ADRA1A: variants seen among roughly 807,000 people sequenced by gnomAD.
ADRA1A encodes the protein alpha-1A adrenergic receptor.
A neutral mutation model predicts 29.6 loss-of-function variants in ADRA1A; 31 were observed. The observed-to-expected ratio is 1.05, with a 90% CI of 0.79 to 1.41. The LOEUF (loss-of-function observed/expected upper bound fraction) is 1.41, where lower values mean the gene tolerates loss of function less well. Among genes scored for constraint, ADRA1A ranks in the 40% most tolerant of loss-of-function variants. The pLI is 0.00. For missense variants in ADRA1A, 619 were observed against 601.1 expected, an observed-to-expected ratio of 1.03 and a Z score of -0.31; for synonymous variants, 311 against 254.3, an observed-to-expected ratio of 1.22 and a Z score of -2.12.
intron 2 of ADRA1A, among the ~76,000 whole-genome samples, chr8:26,840,524 C>T (rs1287366796): frequency 6.6e-6 from 1 of 151,576 alleles, no homozygotes; most frequent in Non-Finnish European, 1.5e-5. Context: ...TTATGATGAC[C>T]ACAGCAGTGG....
chr8:26,840,735 T>C (rs1811760527), intron 2 of ADRA1A, among the ~76,000 whole-genome samples: 2 of 152,188 alleles, frequency 1.3e-5, no homozygotes, highest in Admixed American at 6.5e-5. Flanking sequence ...TAACTCTAAA[T>C]GGAGAAACCG....
In ADRA1A at chr8:26,770,576, A is replaced by G. The variant is rs1806068056; in HGVS notation, c.974T>C (p.Ile325Thr). The G allele has an allele frequency of 1.9e-6, 3 of 1,614,222 alleles. No individual in the cohort carries two copies. Among genetic ancestry groups the G allele is most frequent in the Non-Finnish European group, 2.5e-6 (3 of 1,180,034 alleles). ...GAACTCTTGGCTGGAGCATGGGTATATGATGGGGTTGATGCAGCTGTTTAG... is the reference window on the plus strand; with the variant it reads ...GAACTCTTGGCTGGAGCATGGGTATGTGATGGGGTTGATGCAGCTGTTTAG... ...GYLNSCINPI[I>T]YPCSSQEFKK... The change falls in exon 3 of 3, where the codon ATA becomes ACA. Residue 325 changes from isoleucine to threonine, a missense_variant. By Grantham distance (89) the Ile-to-Thr change is moderately conservative (BLOSUM62 -1). Transcript: ENST00000380573.
At chr8:26,752,166 G>A (rs1407670151), downstream of ADRA1A, among the ~76,000 whole-genome samples, 1 of 152,088 alleles carries the variant, frequency 6.6e-6, no homozygotes, top group Non-Finnish European at 1.5e-5. Flanking sequence ...GAGCATTTTG[G>A]TAAAGATGCA....
chr8:26,842,586 C>T lies in ADRA1A; in HGVS notation c.883+21501G>A, dbSNP rs1296380198. Among the ~76,000 whole-genome samples the T allele has an allele frequency of 2.6e-5, 4 of 152,108 alleles. No homozygotes were observed. In the East Asian group the frequency reaches 7.7e-4, roughly 29 times the overall value. On this transcript the variant is annotated intron_variant, in intron 2 of 2. Transcript: ENST00000380573. Reference sequence around the variant, plus strand: ...GAGCAGGTCCTCATTCAAACCTAAACAGCCAGCCTGAATCTCTCACTTCAA... The same window carrying T: ...GAGCAGGTCCTCATTCAAACCTAAATAGCCAGCCTGAATCTCTCACTTCAA...
rs943607703 is a variant in ADRA1A, at chr8:26,787,699, A to G, written c.884-17033T>C. Among the ~76,000 whole-genome samples, 1 of 152,008 alleles carries G rather than the reference A, an allele frequency of 6.6e-6. No individual in the cohort carries two copies. Among genetic ancestry groups the G allele is most frequent in the Non-Finnish European group, 1.5e-5 (1 of 68,008 alleles). ...CTTAGTACTTGTTCCCCAGGGAGGA[A>G]ATCCCGACAGCTCACTTGGTAGTTC... is the stretch of plus-strand genomic sequence containing the variant. On this transcript the variant is annotated intron_variant, in intron 2 of 2. Transcript: ENST00000380573. The surrounding 1 kb of genome is among the most constrained non-coding windows in gnomAD (Gnocchi z 4.2).
intron 2 of ADRA1A, among the ~76,000 whole-genome samples, chr8:26,855,605 G>A (rs1812989491): frequency 6.6e-6 from 1 of 152,066 alleles, no homozygotes; most frequent in Non-Finnish European, 1.5e-5. Context: ...AGGAGGGAGA[G>A]CATTAGGACA....
intron 2 of ADRA1A, among the ~76,000 whole-genome samples, chr8:26,776,941 AGAG>A (rs1806591591): frequency 6.6e-6 from 1 of 152,232 alleles, no homozygotes; most frequent in Non-Finnish European, 1.5e-5. Flanking sequence ...TCCAATGAGC[AGAG>A]GAGAGAGACA....
At chr8:26,812,956 A>T (rs57980330) in intron 2 of ADRA1A, among the ~76,000 whole-genome samples, 1 of 151,272 alleles carries the variant, frequency 6.6e-6, no homozygotes, top group Non-Finnish European at 1.5e-5. Context: ...TTGAGCTACC[A>T]CGCCCGGCCT....
chr8:26,821,376 G>C lies in ADRA1A; in HGVS notation c.883+42711C>G, dbSNP rs1467768939. On this transcript the variant is annotated intron_variant, in intron 2 of 2. Transcript: ENST00000380573. The surrounding 1 kb of genome is among the most constrained non-coding windows in gnomAD (Gnocchi z 5.6). ...TAAGGGAGAGCAGGAAATATCACAT[G>C]GTGAGAGTGGGAGCAAGACAGAGCA... Among the ~76,000 whole-genome samples, 1 of 152,134 alleles carries C rather than the reference G, an allele frequency of 6.6e-6. No individual in the cohort carries two copies. The highest frequency in any genetic ancestry group is 6.5e-5 in the Admixed American group (1 of 15,278).
At chr8:26,774,527 G>T (rs2130307770) in intron 2 of ADRA1A, among the ~76,000 whole-genome samples, 1 of 152,218 alleles carries the variant, frequency 6.6e-6, no homozygotes, top group East Asian at 1.9e-4. Flanking sequence ...AAATTAGCTG[G>T]GTGTGGTGGC....
In ADRA1A at chr8:26,770,394, A is replaced by G. The variant is rs1806052198; in HGVS notation, c.1156T>C (p.Tyr386His). The G allele has an allele frequency of 5.0e-6, 8 of 1,614,236 alleles. No homozygotes were observed. Among genetic ancestry groups the G allele is most frequent in the Non-Finnish European group, 5.9e-6 (7 of 1,180,034 alleles). ...ACGCCATCCGTCTTGGAGATCCTGT[A>G]GAAGGTCTCTCTTGATCCCACGGGG... is the stretch of plus-strand genomic sequence containing the variant. Reference protein sequence around the residue: ...RIPVGSRETFYRISKTDGVCE... With the variant: ...RIPVGSRETFHRISKTDGVCE... Residue 386 changes from tyrosine to histidine, a missense_variant, in exon 3 of 3, where the codon TAC becomes CAC. Physicochemically the swap from Tyr to His is moderately conservative, Grantham distance 83. Coordinates refer to ENST00000380573, the MANE Select transcript of ADRA1A (RefSeq NM_000680.4).
At chr8:26,756,838 A>C in intron 2 of ADRA1A, 1 of 1,589,956 alleles carries the variant, frequency 6.3e-7, no homozygotes, top group Non-Finnish European at 8.6e-7. Flanking sequence ...TATCCTAGGC[A>C]TCATGCATCA....
At chr8:26,784,624 AT>A (rs1807242043) in intron 2 of ADRA1A, among the ~76,000 whole-genome samples, 1 of 152,148 alleles carries the variant, frequency 6.6e-6, no homozygotes, top group South Asian at 2.1e-4. Context: ...GTTTATTCAG[AT>A]TTGATTTTGG....
downstream of ADRA1A, chr8:26,766,075 C>T (rs373841042): frequency 1.4e-4 from 230 of 1,613,682 alleles, no homozygotes; most frequent in Admixed American, 3.5e-4. Flanking sequence ...CCTTTCTCCA[C>T]GGTGGCATCA....
chr8:26,810,875 A>T (rs1329641902), intron 2 of ADRA1A, among the ~76,000 whole-genome samples: 1 of 152,172 alleles, frequency 6.6e-6, no homozygotes, highest in Non-Finnish European at 1.5e-5. Flanking sequence ...TTCAACTATG[A>T]TTAATCAATT....
Position 26,865,077 on chromosome 8 carries a change from G to A in ADRA1A, c.-108C>T, listed in dbSNP as rs2130803000. The A allele has an allele frequency of 6.6e-7, 1 of 1,503,766 alleles. No individual in the cohort carries two copies. The highest frequency in any genetic ancestry group is 2.3e-5 in the East Asian group (1 of 44,108). The allele number at this position is 1,503,766 out of a possible 1,614,324, so 93.2% of individuals were successfully genotyped here. On this transcript the variant is annotated 5_prime_UTR_variant, in exon 2 of 3. Transcript: ENST00000380573. This position sits in a 1 kb window ranked among gnomAD's most constrained non-coding sequence, Gnocchi z 7.6. ...AATCAAAAGGTCTCGGCTGGAGGGA[G>A]CCCTGCCAGGTGGGTTTGGCTGGGG...
rs900024089 is a variant in ADRA1A at position 26,770,060 on chromosome 8, G to A, written c.*89C>T. The stretch of plus-strand genomic sequence containing the variant: ...GCAGGTCCCCTCTTTGATTGGTCCT[G>A]TCTTGTCCTCCAAGAAGAGCTGGCC... On this transcript the variant is annotated 3_prime_UTR_variant, in exon 3 of 3. Coordinates refer to ENST00000380573, the MANE Select transcript of ADRA1A (RefSeq NM_000680.4). The A allele has an allele frequency of 6.6e-7, 1 of 1,511,058 alleles. No homozygotes were observed. The highest frequency in any genetic ancestry group is 1.4e-5 in the African/African-American group (1 of 71,576). The allele number at this position is 1,511,058 out of a possible 1,614,324, so 93.6% of individuals were successfully genotyped here.
chr8:26,864,804 G>A lies in ADRA1A; in HGVS notation c.166C>T (p.His56Tyr). 4.3e-6 allele frequency: 7 copies of A among 1,614,168 alleles called. No homozygotes were observed. In the Middle Eastern group the frequency reaches 6.6e-4, roughly 152 times the overall value. ...LVILSVACHR[H>Y]LHSVTHYYIV... ...TAGTAGTGCGTGACTGAGTGCAGGTGTCGGTGACAGGCTACGGAGAGGATC... is the reference window on the plus strand; with the variant it reads ...TAGTAGTGCGTGACTGAGTGCAGGTATCGGTGACAGGCTACGGAGAGGATC... Residue 56 changes from histidine to tyrosine, a missense_variant, in exon 2 of 3, where the codon CAC (histidine) becomes TAC (tyrosine). Transcript: ENST00000380573. The surrounding 1 kb of genome is among the most constrained non-coding windows in gnomAD (Gnocchi z 8.1).
chr8:26,857,929 C>A (rs1047449775), intron 2 of ADRA1A, among the ~76,000 whole-genome samples: 1 of 152,120 alleles, frequency 6.6e-6, no homozygotes, highest in African/African-American at 2.4e-5. Context: ...TCCATTAGGG[C>A]AGGGATTTAT....
Sources: gnomAD v4.1 joint callset for allele counts (sites outside exome capture counted in the v4.1 genomes callset) on GRCh38, gnomAD v4.1.1 for gene constraint, Gnocchi (gnomAD v3.1) non-coding constraint, MANE v1.5 for transcripts, NCBI Gene and HGNC (gene_info 2026-07-23, HGNC 2026-07-21) for gene names.